ERCC6L2: variants seen among roughly 807,000 people sequenced by gnomAD.
The protein encoded by ERCC6L2 is DNA excision repair protein ERCC-6-like 2.
A neutral mutation model predicts 132.0 loss-of-function variants in ERCC6L2; 77 were observed. That is an observed-to-expected ratio of 0.58 (90% CI 0.49 to 0.71). ERCC6L2 has a LOEUF of 0.71. ERCC6L2 is among the 30% of genes least tolerant of loss of function. ERCC6L2 has a pLI of 0.00. For missense variants in ERCC6L2, 1,542 were observed against 1,837.6 expected (o/e 0.84, Z 2.94); for synonymous variants, 583 against 632.4 (o/e 0.92, Z 1.17).
intron 3 of ERCC6L2, among the ~76,000 whole-genome samples, chr9:95,900,627 C>T (rs1160345815): frequency 6.6e-6 from 1 of 152,036 alleles, no homozygotes; most frequent in African/African-American, 2.4e-5. Context: ...AGATAACAGC[C>T]TTGATATTTT....
intron 2 of ERCC6L2, among the ~76,000 whole-genome samples, chr9:95,886,358 T>TA (rs144698177): frequency 0.085 from 12,754 of 150,062 alleles, 699 homozygotes; most frequent in East Asian, 0.16. Context: ...TCATTTCATT[T>TA]AAAAAAAAAA....
intron 2 of ERCC6L2, among the ~76,000 whole-genome samples, chr9:95,886,959 C>G (rs557357414): frequency 6.6e-6 from 1 of 152,228 alleles, no homozygotes; most frequent in African/African-American, 2.4e-5. Context: ...TGTCCTTGAA[C>G]GTCGGACTCA....
rs1320527526 is a variant in ERCC6L2 at position 95,972,630 on chromosome 9, T to C, written c.2879T>C (p.Leu960Ser). The C allele has an allele frequency of 7.7e-7, 1 of 1,291,970 alleles. No homozygotes were observed. Among genetic ancestry groups the C allele is most frequent in the African/African-American group, 1.5e-5 (1 of 65,766 alleles). The allele number at this position is 1,291,970 out of a possible 1,614,324, so 80.0% of individuals were successfully genotyped here. The change falls in exon 16 of 19, where the codon TTA becomes TCA. Residue 960 changes from leucine (L) to serine (S), a missense_variant. Transcript: ENST00000653738. Reference protein sequence around the residue: ...DKRNGIISKKLSPENTTLKSI... With the variant: ...DKRNGIISKKSSPENTTLKSI... ...AGAAATGGAATAATTTCAAAAAAGT[T>C]AAGTCCTGAGAACACAACCCTGAAA... is the stretch of plus-strand genomic sequence containing the variant.
Position 95,928,856 on chromosome 9 carries a change from C to G in ERCC6L2, c.1743C>G (p.Val581=), listed in dbSNP as rs781460390. The G allele has an allele frequency of 6.3e-7, 1 of 1,578,552 alleles. No homozygotes were observed. The highest frequency in any genetic ancestry group is 1.2e-5 in the South Asian group (1 of 84,946). ...NSTQDVNICL[V]STMAGGLGLN... is the part of the protein sequence containing the mutation. Reference sequence around the variant, plus strand: ...CACAAGATGTTAACATTTGCCTTGTCTCTACAATGTAAGAAAATTAAATTT... The same window carrying G: ...CACAAGATGTTAACATTTGCCTTGTGTCTACAATGTAAGAAAATTAAATTT... Residue 581 remains valine (V), a synonymous_variant, in exon 11 of 19, where the codon GTC becomes GTG. Transcript: ENST00000653738.
intron 17 of ERCC6L2, among the ~76,000 whole-genome samples, chr9:95,994,891 A>T (rs1393536537): frequency 6.6e-6 from 1 of 151,996 alleles, no homozygotes; most frequent in Non-Finnish European, 1.5e-5. Context: ...AGCTTTTTTC[A>T]CTTCTTTGCT....
chr9:95,901,631 G>A (rs987481963), intron 3 of ERCC6L2, among the ~76,000 whole-genome samples: 1 of 152,132 alleles, frequency 6.6e-6, no homozygotes, highest in African/African-American at 2.4e-5. Context: ...GGTGTAGGGC[G>A]GATTGCTCAG....
Position 95,934,074 on chromosome 9 carries a change from G to C in ERCC6L2, c.1751+5210G>C, listed in dbSNP as rs144687091. Among the ~76,000 whole-genome samples the C allele has an allele frequency of 4.9e-4, 74 of 152,264 alleles. No individual in the cohort carries two copies. In the East Asian group the frequency reaches 8.1e-3, roughly 17 times the overall value. ...GTTTTGTGATACAGTGTAGGCAGCT[G>C]ATGAGGGAAAATGGCAATGCAAAGC... is the stretch of plus-strand genomic sequence containing the variant. On this transcript the variant is annotated intron_variant, in intron 11 of 18. Transcript: ENST00000653738.
In ERCC6L2 at chr9:95,907,258, G is replaced by C; in HGVS notation, c.775G>C (p.Asp259His). ...TTYETLRLCL[D>H]ELNSLEWSAV... ...TTATGAAACACTACGCTTATGCCTG[G>C]ATGAACTTAACAGGTAATGGGAATA... Residue 259 changes from aspartate (D) to histidine (H), a missense_variant, in exon 4 of 19, where the codon GAT becomes CAT. Physicochemically the swap from Asp to His is moderately conservative, Grantham distance 81 (BLOSUM62 -1). Coordinates refer to ENST00000653738, the MANE Select transcript of ERCC6L2 (RefSeq NM_020207.7). 1.2e-6 allele frequency: 2 copies of C among 1,608,414 alleles called. No individual in the cohort carries two copies. The highest frequency in any genetic ancestry group is 1.7e-6 in the Non-Finnish European group (2 of 1,177,676).
intron 9 of ERCC6L2, among the ~76,000 whole-genome samples, chr9:95,924,797 G>A (rs925851292): frequency 2.0e-5 from 3 of 152,062 alleles, no homozygotes; most frequent in Non-Finnish European, 4.4e-5. Flanking sequence ...TTTTAGGAGG[G>A]AAAAGGTAAG....
At chr9:95,892,711 C>T (rs1481344271) in intron 2 of ERCC6L2, among the ~76,000 whole-genome samples, 5 of 152,176 alleles carry the variant, frequency 3.3e-5, no homozygotes, top group Admixed American at 3.3e-4. Flanking sequence ...GTGTGAACCA[C>T]TGCGCCAAGC....
rs553580223 is a variant in ERCC6L2, at chr9:96,016,910, GTGTT to G, written c.*3726_*3729del. On this transcript the variant is annotated 3_prime_UTR_variant, in exon 19 of 19. Coordinates refer to ENST00000653738, the MANE Select transcript of ERCC6L2 (RefSeq NM_020207.7). ...CTGCCTGCCTTAAAGGTTTTTTTGTGTGTTTGTTTGTTTGTTTGTTTGCATGTGA... is the reference window on the plus strand; with the variant it reads ...CTGCCTGCCTTAAAGGTTTTTTTGTGTGTTTGTTTGTTTGTTTGCATGTGA... Among the ~76,000 whole-genome samples, 11 of 143,080 alleles carry G rather than the reference GTGTT, an allele frequency of 7.7e-5. No individual in the cohort carries two copies. The highest frequency in any genetic ancestry group is 1.2e-4 in the African/African-American group (5 of 40,882). 93.9% of individuals were successfully genotyped at this position (143,080 alleles called of 152,430 possible). A position where few individuals can be genotyped will look rare whatever the true frequency, so the allele number is the denominator to read the frequency against.
chr9:96,008,079 C>T (rs1833918668), intron 18 of ERCC6L2, among the ~76,000 whole-genome samples: 1 of 152,130 alleles, frequency 6.6e-6, no homozygotes, highest in Non-Finnish European at 1.5e-5. Context: ...AACAGATCGG[C>T]AACAAGGATT....
At chr9:95,876,867 A>G (rs1368402780) in intron 1 of ERCC6L2, 2 of 152,252 alleles carry the variant, frequency 1.3e-5, no homozygotes, top group African/African-American at 4.8e-5. Context: ...GCTGTAATTC[A>G]GGGACCAAAC....
chr9:95,927,413 A>T (rs977624000), intron 9 of ERCC6L2, among the ~76,000 whole-genome samples: 1 of 152,130 alleles, frequency 6.6e-6, no homozygotes, highest in Non-Finnish European at 1.5e-5. Flanking sequence ...TGGAGCTGTC[A>T]TTGCCAGATG....
At chr9:95,916,181 T>G (rs770880862) in intron 5 of ERCC6L2, 46 bp from the exon 6 acceptor site, 1 of 1,549,288 alleles carries the variant, frequency 6.5e-7, no homozygotes, top group Non-Finnish European at 8.9e-7. Context: ...AAGTTAGTGT[T>G]TTTAGATAAT....
rs1440475601 is a variant in ERCC6L2, at chr9:95,974,110, G to C, written c.3337+1022G>C. On this transcript the variant is annotated intron_variant, in intron 16 of 18. Transcript: ENST00000653738. Reference sequence around the variant, plus strand: ...ATTCTCTCTCTTTATGATCCTAGCAGCCATTGATACTTAATACCTATACTT... The same window carrying C: ...ATTCTCTCTCTTTATGATCCTAGCACCCATTGATACTTAATACCTATACTT... 2.6e-5 allele frequency among the ~76,000 whole-genome samples: 4 copies of C among 152,150 alleles called. No homozygotes were observed. The East Asian group carries it at 7.7e-4, about 29-fold the overall frequency.
Position 96,012,340 on chromosome 9 carries a change from G to A in ERCC6L2, c.3790G>A (p.Ala1264Thr). The A allele has an allele frequency of 7.3e-7, 1 of 1,361,626 alleles. No homozygotes were observed. The highest frequency in any genetic ancestry group is 9.8e-7 in the Non-Finnish European group (1 of 1,017,294). The allele number at this position is 1,361,626 out of a possible 1,614,324, so 84.3% of individuals were successfully genotyped here. Reference protein sequence around the residue: ...ERQKMLRDFYASQYPEVKEFF... With the variant: ...ERQKMLRDFYTSQYPEVKEFF... ...ACAGAAAATGCTAAGAGACTTTTATGCTTCTCAATATCCAGAGGTAAAAGA... is the reference window on the plus strand; with the variant it reads ...ACAGAAAATGCTAAGAGACTTTTATACTTCTCAATATCCAGAGGTAAAAGA... The change falls in exon 19 of 19, where the codon GCT (alanine) becomes ACT (threonine). Residue 1264 changes from alanine to threonine, a missense_variant. Ala to Thr is a moderately conservative substitution (Grantham distance 58). Transcript: ENST00000653738.
chr9:95,902,254 G>A (rs1242478121), intron 3 of ERCC6L2, among the ~76,000 whole-genome samples: 1 of 152,106 alleles, frequency 6.6e-6, no homozygotes, highest in Non-Finnish European at 1.5e-5. Context: ...TGGTTCTTTA[G>A]ATGTAGGCTA....
chr9:95,976,936 G>A (rs1040017091), intron 16 of ERCC6L2, among the ~76,000 whole-genome samples: 5 of 151,960 alleles, frequency 3.3e-5, no homozygotes, highest in Admixed American at 6.6e-5. Context: ...TAGCATTCTC[G>A]TTTAAGAGTT....
Sources: gnomAD v4.1 joint callset for allele counts (sites outside exome capture counted in the v4.1 genomes callset) on GRCh38, gnomAD v4.1.1 for gene constraint, MANE v1.5 for transcripts, NCBI Gene and HGNC (gene_info 2026-07-23, HGNC 2026-07-21) for gene names.